The following GOLPH3 variants were observed in gnomAD, a reference collection of about 807,000 sequenced individuals.
GOLPH3 encodes the protein golgi phosphoprotein 3.
GOLPH3 carries 14 observed loss-of-function variants against 28.5 expected under a neutral mutation model. The ratio of observed to expected loss-of-function variants is 0.49; its 90% CI spans 0.32 to 0.77. The LOEUF is 0.77. GOLPH3 is among the 30% of genes least tolerant of loss of function. GOLPH3 has a pLI of 0.03. For synonymous variants in GOLPH3, 158 were observed against 159.2 expected (o/e 0.99, Z 0.06); for missense variants, 350 against 393.7 (o/e 0.89, Z 0.94).
intron 1 of GOLPH3, among the ~76,000 whole-genome samples, chr5:32,168,983 CA>C (rs762907053): frequency 2.4e-4 from 34 of 141,094 alleles, no homozygotes; most frequent in African/African-American, 2.3e-4. Context: ...AACACAACAA[CA>C]AAAAAAAAAA....
chr5:32,150,938 T>C (rs1253367216), intron 1 of GOLPH3, among the ~76,000 whole-genome samples: 1 of 152,202 alleles, frequency 6.6e-6, no homozygotes, highest in Non-Finnish European at 1.5e-5. Flanking sequence ...AGGAAAAACA[T>C]AATTGGATCA....
intron 3 of GOLPH3, 133 bp from the exon 4 acceptor site, chr5:32,126,769 C>A: frequency 1.4e-6 from 1 of 698,988 alleles, no homozygotes; most frequent in Non-Finnish European, 2.3e-6. Context: ...GTTTTTCTCC[C>A]TAACTAGACC....
chr5:32,137,908 T>TA (rs1561661792), intron 2 of GOLPH3, among the ~76,000 whole-genome samples: 1 of 9,206 alleles, frequency 1.1e-4, no homozygotes, highest in East Asian at 1.6e-3. Flanking sequence ...CGGTTTTTTT[T>TA]GTTTTTTTTT....
chr5:32,141,021 G>A (rs1746050056), intron 2 of GOLPH3, among the ~76,000 whole-genome samples: 1 of 151,746 alleles, frequency 6.6e-6, no homozygotes, highest in African/African-American at 2.4e-5. Context: ...AAATTAGCTG[G>A]GTGTGGCAGC....
At chr5:32,162,312 G>T (rs935537381) in intron 1 of GOLPH3, among the ~76,000 whole-genome samples, 1 of 150,402 alleles carries the variant, frequency 6.6e-6, no homozygotes, top group Admixed American at 6.6e-5. Flanking sequence ...CTAACACGAT[G>T]AAACCCCGTC....
Position 32,126,198 on chromosome 5 carries a change from C to A in GOLPH3, c.*14G>T. ...TTACTTGAGAGAAAGGAGAATGGTT[C>A]ACCCCGAGCAGAGTTACTTGGTGAA... On this transcript the variant is annotated 3_prime_UTR_variant, in exon 4 of 4. Transcript: ENST00000265070. 6.3e-7 allele frequency: 1 copy of A among 1,598,120 alleles called. No homozygotes were observed. Among genetic ancestry groups the A allele is most frequent in the Non-Finnish European group, 8.6e-7 (1 of 1,169,270 alleles).
rs761517083 is a variant in GOLPH3, at chr5:32,126,433, C to G, written c.676G>C (p.Val226Leu). 4.3e-6 allele frequency: 7 copies of G among 1,614,034 alleles called. No homozygotes were observed. The highest frequency in any genetic ancestry group is 5.9e-6 in the Non-Finnish European group (7 of 1,180,050). ...KVQEAVLDKW[V>L]NDPHRMDRRL... is the part of the protein sequence containing the mutation. ...CTGTCCATGCGGTGAGGGTCATTCACCCATTTGTCAAGAACGGCTTCCTGT... is the reference window on the plus strand; with the variant it reads ...CTGTCCATGCGGTGAGGGTCATTCAGCCATTTGTCAAGAACGGCTTCCTGT... The change falls in exon 4 of 4, where the codon GTG becomes CTG. Residue 226 changes from valine to leucine, a missense_variant. Coordinates refer to ENST00000265070, the MANE Select transcript of GOLPH3 (RefSeq NM_022130.4).
chr5:32,159,331 G>A (rs916209123), intron 1 of GOLPH3, among the ~76,000 whole-genome samples: 24 of 152,344 alleles, frequency 1.6e-4, no homozygotes, highest in African/African-American at 5.3e-4. Context: ...ATAGCCAAAT[G>A]TAATTTTACA....
chr5:32,157,394 G>A (rs1417774131), intron 1 of GOLPH3, among the ~76,000 whole-genome samples: 1 of 152,074 alleles, frequency 6.6e-6, no homozygotes, highest in East Asian at 1.9e-4. Flanking sequence ...AGTACTGTGG[G>A]AGCTCATTTC....
intron 1 of GOLPH3, among the ~76,000 whole-genome samples, chr5:32,146,054 G>A (rs1425125094): frequency 1.3e-5 from 2 of 152,124 alleles, no homozygotes; most frequent in Non-Finnish European, 2.9e-5. Flanking sequence ...CACTTCGGGA[G>A]GCAGAGGCAA....
chr5:32,166,273 A>G (rs1746707051), intron 1 of GOLPH3, among the ~76,000 whole-genome samples: 1 of 152,234 alleles, frequency 6.6e-6, no homozygotes, highest in Non-Finnish European at 1.5e-5. Flanking sequence ...CTGTACTTTA[A>G]TATTAGTTGT....
At chr5:32,152,063 T>G (rs1581549114) in intron 1 of GOLPH3, among the ~76,000 whole-genome samples, 1 of 152,150 alleles carries the variant, frequency 6.6e-6, no homozygotes, top group Admixed American at 6.5e-5. Flanking sequence ...ATCTACTTAA[T>G]GCCACTAAAC....
At position 32,173,696 on chromosome 5, in the gene GOLPH3, C is replaced by G. The variant is rs1746903272; in HGVS notation, c.225+114G>C. ...GCGCCACCAGGCGCGGACTTCGGAGCGAGGGCAGGTGCGCGGGCCGGAAGC... is the reference window on the plus strand; with the variant it reads ...GCGCCACCAGGCGCGGACTTCGGAGGGAGGGCAGGTGCGCGGGCCGGAAGC... On this transcript the variant is annotated intron_variant, in intron 1 of 3. Transcript: ENST00000265070. The G allele has an allele frequency of 5.8e-6, 4 of 692,492 alleles. No homozygotes were observed. The African/African-American group carries it at 7.6e-5, about 13-fold the overall frequency. 42.9% of individuals were successfully genotyped at this position (692,492 alleles called of 1,614,324 possible). A position where few individuals can be genotyped will look rare whatever the true frequency, so the allele number is the denominator to read the frequency against.
intron 2 of GOLPH3, among the ~76,000 whole-genome samples, chr5:32,143,216 GCAAGATGTGCTTTGTTAAA>G (rs1359472850): frequency 6.6e-6 from 1 of 152,072 alleles, no homozygotes; most frequent in African/African-American, 2.4e-5. Flanking sequence ...TAAGGGCGGT[GCAAGATGTGCTTTGTTAAA>G]CAGATGCTTG....
At chr5:32,130,770 G>A (rs1016764313) in intron 3 of GOLPH3, among the ~76,000 whole-genome samples, 19 of 152,088 alleles carry the variant, frequency 1.2e-4, no homozygotes, top group Admixed American at 6.5e-5. Flanking sequence ...TTTCTCATGG[G>A]AATTAAGTGG....
intron 1 of GOLPH3, among the ~76,000 whole-genome samples, chr5:32,151,165 C>T (rs771506560): frequency 6.6e-6 from 1 of 150,510 alleles, no homozygotes. Context: ...AGCAAAGTCA[C>T]TTATATCACA....
At chr5:32,131,279 T>A (rs1008992607) in intron 3 of GOLPH3, among the ~76,000 whole-genome samples, 1 of 152,224 alleles carries the variant, frequency 6.6e-6, no homozygotes, top group African/African-American at 2.4e-5. Context: ...CACAAAGTAA[T>A]AACCAAGTGG....
chr5:32,167,954 A>G (rs1015097201), intron 1 of GOLPH3, among the ~76,000 whole-genome samples: 3 of 152,192 alleles, frequency 2.0e-5, no homozygotes, highest in Admixed American at 2.0e-4. Context: ...GCCCTGTCTC[A>G]AAAGAAAAAA....
chr5:32,173,899 C>G lies in GOLPH3; in HGVS notation c.136G>C (p.Glu46Gln). 7.2e-6 allele frequency: 11 copies of G among 1,519,234 alleles called. No individual in the cohort carries two copies. The highest frequency in any genetic ancestry group is 1.8e-4 in the Middle Eastern group (1 of 5,658). The allele number at this position is 1,519,234 out of a possible 1,614,324, so 94.1% of individuals were successfully genotyped here. ...TCGCCCTTGTCGTCGTCGTCCTGCT[C>G]GTCGCGGCGGCTCTGCGCGTCGTCC... ...SEDDAQSRRD[E>Q]QDDDDKGDSK... The change falls in exon 1 of 4, where the codon GAG becomes CAG. Residue 46 changes from glutamate (E) to glutamine (Q), a missense_variant. Transcript: ENST00000265070.
Sources: allele counts gnomAD v4.1 joint callset (sites outside exome capture counted in the v4.1 genomes callset), GRCh38; gene constraint gnomAD v4.1.1; transcripts MANE v1.5; gene names NCBI Gene and HGNC (gene_info 2026-07-23, HGNC 2026-07-21).